Variants in GTF2F1 observed in about 807,000 individuals in gnomAD.
GTF2F1 encodes the protein general transcription factor IIF subunit 1, also known as general transcription factor IIF 74 kDa subunit.
A neutral mutation model predicts 63.5 loss-of-function variants in GTF2F1; 39 were observed. That is an observed-to-expected ratio of 0.61 (90% CI 0.48 to 0.80). GTF2F1 has a LOEUF of 0.80. Among genes scored for constraint, GTF2F1 ranks in the 30% least tolerant of loss-of-function variants. The probability of loss-of-function intolerance (pLI) is 0.00; values close to 1 mark genes in which losing one functional copy is unlikely to be tolerated. For synonymous variants in GTF2F1, 287 were observed against 285.3 expected (o/e 1.01, Z -0.06); for missense variants, 657 against 718.3 (o/e 0.91, Z 0.97).
Position 6,383,703 on chromosome 19 carries a change from GC to G in GTF2F1, c.498-209del, listed in dbSNP as rs2091963886. Among the ~76,000 whole-genome samples, 2 of 152,216 alleles carry G rather than the reference GC, an allele frequency of 1.3e-5. No individual in the cohort carries two copies. Among genetic ancestry groups the G allele is most frequent in the African/African-American group, 4.8e-5 (2 of 41,452 alleles). ...CGTTCTGCCCCGAGTCCCTCAAAGA[GC>G]AGGTCCCCATGTGCTGCTGGAGTCT... On this transcript the variant is annotated intron_variant, in intron 5 of 12. Transcript: ENST00000394456. This position sits in a 1 kb window ranked among gnomAD's most constrained non-coding sequence, Gnocchi z 4.5.
intron 5 of GTF2F1, chr19:6,386,970 C>T: frequency 4.8e-6 from 1 of 208,114 alleles, no homozygotes; most frequent in Non-Finnish European, 9.7e-6. Flanking sequence ...CTGCACTGGC[C>T]TCATGCACTG....
At position 6,381,363 on chromosome 19, in the gene GTF2F1, C is replaced by T; in HGVS notation, c.1014G>A (p.Arg338=). ...KAPTPQEKKR[R]KDSSEESDSS... is the part of the protein sequence containing the mutation. Reference sequence around the variant, plus strand: ...TGGGGGCCACATGCGCCGCACCTTTCCTGCGCTTCTTCTCCTGCGGGGTGG... The same window carrying T: ...TGGGGGCCACATGCGCCGCACCTTTTCTGCGCTTCTTCTCCTGCGGGGTGG... The change falls in exon 9 of 13, where the codon AGG becomes AGA. Residue 338 remains arginine (R), a synonymous_variant. Transcript: ENST00000394456. The surrounding 1 kb of genome is among the most constrained non-coding windows in gnomAD (Gnocchi z 4.1). 2 of 1,598,120 alleles carry T rather than the reference C, an allele frequency of 1.3e-6. No individual in the cohort carries two copies. Among genetic ancestry groups the T allele is most frequent in the Non-Finnish European group, 1.7e-6 (2 of 1,172,552 alleles).
chr19:6,384,933 G>A (rs1347386211), intron 5 of GTF2F1, among the ~76,000 whole-genome samples: 3 of 151,784 alleles, frequency 2.0e-5, no homozygotes, highest in Admixed American at 6.6e-5. Flanking sequence ...ACAGGTGCCC[G>A]CCACCATGCC....
At chr19:6,387,799 G>A (rs2091979516) in intron 4 of GTF2F1, among the ~76,000 whole-genome samples, 1 of 150,768 alleles carries the variant, frequency 6.6e-6, no homozygotes, top group South Asian at 2.1e-4. Flanking sequence ...TTTCTGGAAA[G>A]ACTGTGTGAG....
chr19:6,383,340 G>A lies in GTF2F1; in HGVS notation c.653C>T (p.Ser218Phe). ...HDLEDDLEMS[S>F]DASDASGEEG... The stretch of plus-strand genomic sequence containing the variant: ...CTCACCACTGGCATCACTGGCATCG[G>A]ACGACATCTCCAGGTCGTCCTCCAG... The change falls in exon 6 of 13, where the codon TCC becomes TTC. Residue 218 changes from serine (S) to phenylalanine (F), a missense_variant. This residue lies in a region of GTF2F1 where 602 missense variants were observed against 625.6 expected (regional missense o/e 0.96). Coordinates refer to ENST00000394456, the MANE Select transcript of GTF2F1 (RefSeq NM_002096.3). This position sits in a 1 kb window ranked among gnomAD's most constrained non-coding sequence, Gnocchi z 4.5. The A allele has an allele frequency of 1.9e-6, 3 of 1,614,094 alleles. No homozygotes were observed. Among genetic ancestry groups the A allele is most frequent in the Non-Finnish European group, 2.5e-6 (3 of 1,180,038 alleles).
At chr19:6,388,759 G>C (rs2091983656) in intron 4 of GTF2F1, among the ~76,000 whole-genome samples, 1 of 152,130 alleles carries the variant, frequency 6.6e-6, no homozygotes, top group Non-Finnish European at 1.5e-5. Flanking sequence ...ACCAGCTTGA[G>C]CAACGCAGCA....
In GTF2F1 at chr19:6,380,187, G is replaced by C; in HGVS notation, c.*94C>G. The stretch of plus-strand genomic sequence containing the variant: ...TGAGAGCCTGAAGTTCTGGAGGGCA[G>C]AGCCATGTATTGGACAGAGCCTCAC... On this transcript the variant is annotated 3_prime_UTR_variant, in exon 13 of 13. Coordinates refer to ENST00000394456, the MANE Select transcript of GTF2F1 (RefSeq NM_002096.3). The surrounding 1 kb of genome is among the most constrained non-coding windows in gnomAD (Gnocchi z 5.3). 1 of 1,061,528 alleles carries C rather than the reference G, an allele frequency of 9.4e-7. No homozygotes were observed. 65.8% of individuals were successfully genotyped at this position (1,061,528 alleles called of 1,614,324 possible). A position where few individuals can be genotyped will look rare whatever the true frequency, so the allele number is the denominator to read the frequency against.
chr19:6,381,400 TC>T lies in GTF2F1; in HGVS notation c.976del (p.Glu326ArgfsTer89), dbSNP rs1241383373. The T allele has an allele frequency of 6.4e-7, 1 of 1,559,360 alleles. No homozygotes were observed. The highest frequency in any genetic ancestry group is 1.4e-5 in the African/African-American group (1 of 73,668). The stretch of plus-strand genomic sequence containing the variant: ...CTCCTGCGGGGTGGGTGCCTTCTTC[TC>T]CTCCTCCTCCTCCTTGTCCTCCTCA... ...PPEEDKEEEE[E>X]KKAPTPQEKK... On this transcript the variant is annotated frameshift_variant, in exon 9 of 13. Coordinates refer to ENST00000394456, the MANE Select transcript of GTF2F1 (RefSeq NM_002096.3). LOFTEE classifies it high-confidence loss of function. This position sits in a 1 kb window ranked among gnomAD's most constrained non-coding sequence, Gnocchi z 4.1.
intron 4 of GTF2F1, among the ~76,000 whole-genome samples, chr19:6,388,020 C>A (rs528099073): frequency 6.7e-6 from 1 of 150,094 alleles, no homozygotes; most frequent in African/African-American, 2.4e-5. Flanking sequence ...ACCTCCACCT[C>A]CCGGGTTCAA....
Position 6,381,004 on chromosome 19 carries a change from C to A in GTF2F1, c.1131G>T (p.Ser377=). 1 of 1,610,368 alleles carries A rather than the reference C, an allele frequency of 6.2e-7. No homozygotes were observed. ...GGCTGTTGCCCCTTGAGCTCCCTCC[C>A]GACGGCTTCCGCTCTCTCTTGGGTG... ...KTPPKRERKP[S]GGSSRGNSRP... is the part of the protein sequence containing the mutation. The change falls in exon 11 of 13, where the codon TCG becomes TCT. Residue 377 remains serine (S), a synonymous_variant. Transcript: ENST00000394456. The surrounding 1 kb of genome is among the most constrained non-coding windows in gnomAD (Gnocchi z 4.1).
Position 6,387,424 on chromosome 19 carries a change from C to G in GTF2F1, c.462G>C (p.Thr154=). 1 of 1,614,234 alleles carries G rather than the reference C, an allele frequency of 6.2e-7. No homozygotes were observed. Residue 154 remains threonine, a synonymous_variant, in exon 5 of 13, where the codon ACG becomes ACC. Transcript: ENST00000394456. The part of the protein sequence containing the change: ...YNFTPLARHR[T]LTAEEAEEEW... Reference sequence around the variant, plus strand: ...CCTCCTCGGCCTCCTCGGCAGTGAGCGTGCGATGCCGGGCCAGCGGTGTGA... The same window carrying G: ...CCTCCTCGGCCTCCTCGGCAGTGAGGGTGCGATGCCGGGCCAGCGGTGTGA...
Position 6,380,176 on chromosome 19 carries a change from T to C in GTF2F1, c.*105A>G. ...CGAAGGGTCACTGAGAGCCTGAAGT[T>C]CTGGAGGGCAGAGCCATGTATTGGA... On this transcript the variant is annotated 3_prime_UTR_variant, in exon 13 of 13. Transcript: ENST00000394456. This position sits in a 1 kb window ranked among gnomAD's most constrained non-coding sequence, Gnocchi z 5.3. The C allele has an allele frequency of 1.0e-6, 1 of 977,122 alleles. No homozygotes were observed. Among genetic ancestry groups the C allele is most frequent in the Non-Finnish European group, 1.7e-6 (1 of 605,522 alleles). 60.5% of individuals were successfully genotyped at this position (977,122 alleles called of 1,614,324 possible). A position where few individuals can be genotyped will look rare whatever the true frequency, so the allele number is the denominator to read the frequency against.
Position 6,383,493 on chromosome 19 carries a change from C to T in GTF2F1, c.500G>A (p.Arg167Lys). Reference sequence around the variant, plus strand: ...GCTGAAGTGGTTCAGCACCTTGTTCCTCCTGCGGGCCAGGCACAGGGGGGC... The same window carrying T: ...GCTGAAGTGGTTCAGCACCTTGTTCTTCCTGCGGGCCAGGCACAGGGGGGC... ...AEEAEEEWER[R>K]NKVLNHFSIM... Residue 167 changes from arginine (R) to lysine (K), a missense_variant and splice_region_variant, in exon 6 of 13, where the codon AGG (arginine) becomes AAG (lysine). Arg to Lys is a conservative substitution (Grantham distance 26, BLOSUM62 2). Transcript: ENST00000394456. This position sits in a 1 kb window ranked among gnomAD's most constrained non-coding sequence, Gnocchi z 4.5. The T allele has an allele frequency of 6.2e-7, 1 of 1,612,360 alleles. No homozygotes were observed. The highest frequency in any genetic ancestry group is 8.5e-7 in the Non-Finnish European group (1 of 1,179,024).
chr19:6,385,545 C>T (rs77442066), intron 5 of GTF2F1, among the ~76,000 whole-genome samples: 8,626 of 152,208 alleles, frequency 0.057, 336 homozygotes, highest in Non-Finnish European at 0.088. Context: ...GAACCTGCCC[C>T]CCCAGCAATG....
At chr19:6,389,266 C>CACAAATAAATAAATAA (rs370757532) in intron 4 of GTF2F1, among the ~76,000 whole-genome samples, 178 bp downstream of exon 4, 3 of 150,998 alleles carry the variant, frequency 2.0e-5, no homozygotes, top group African/African-American at 7.3e-5. Context: ...AATAAGATAA[C>CACAAATAAATAAATAA]ATAAATAAAT....
chr19:6,380,563 G>A lies in GTF2F1; in HGVS notation c.1349+10C>T, dbSNP rs375548583. 48 of 1,613,318 alleles carry A rather than the reference G, an allele frequency of 3.0e-5. No individual in the cohort carries two copies. The highest frequency in any genetic ancestry group is 1.1e-4 in the East Asian group (5 of 44,882). ...CCTTGCCCTGCCCCCTGCTGTCCTC[G>A]TCAACTTACCCGCTGTTGGGTGTTG... On this transcript the variant is annotated intron_variant, in intron 12 of 12. Coordinates refer to ENST00000394456, the MANE Select transcript of GTF2F1 (RefSeq NM_002096.3). This position sits in a 1 kb window ranked among gnomAD's most constrained non-coding sequence, Gnocchi z 5.3.
chr19:6,384,178 C>T (rs759227168), intron 5 of GTF2F1, among the ~76,000 whole-genome samples: 7 of 151,148 alleles, frequency 4.6e-5, no homozygotes, highest in Admixed American at 1.3e-4. Context: ...AACAATGTAA[C>T]GTTGTCTCAT....
intron 6 of GTF2F1, among the ~76,000 whole-genome samples, chr19:6,382,655 G>A (rs1429808327): frequency 6.0e-5 from 9 of 150,720 alleles, no homozygotes; most frequent in East Asian, 2.0e-4. Context: ...AAAATTAGCC[G>A]GGTGTGGTGG....
chr19:6,383,192 G>C lies in GTF2F1; in HGVS notation c.682+119C>G. The C allele has an allele frequency of 9.4e-7, 1 of 1,069,252 alleles. No homozygotes were observed. Among genetic ancestry groups the C allele is most frequent in the East Asian group, 2.4e-5 (1 of 40,916 alleles). The allele number at this position is 1,069,252 out of a possible 1,614,324, so 66.2% of individuals were successfully genotyped here. ...GCTGGGATGACAGGCGTGAGCCACT[G>C]TGCCCGGCCCCACTTGCCTCTCATT... is the stretch of plus-strand genomic sequence containing the variant. On this transcript the variant is annotated intron_variant, in intron 6 of 12. Transcript: ENST00000394456. The surrounding 1 kb of genome is among the most constrained non-coding windows in gnomAD (Gnocchi z 4.5).
Sources: allele counts gnomAD v4.1 joint callset (sites outside exome capture counted in the v4.1 genomes callset), GRCh38; gene constraint gnomAD v4.1.1; regional missense constraint gnomAD v4.1.1; non-coding constraint Gnocchi (gnomAD v3.1); transcripts MANE v1.5; gene names NCBI Gene and HGNC (gene_info 2026-07-23, HGNC 2026-07-21).